NUDT3: variants seen among roughly 807,000 people sequenced by gnomAD.
NUDT3 encodes nudix hydrolase 3.
Under a neutral mutation model 23.6 loss-of-function variants are expected in NUDT3, and 9 were observed. The ratio of observed to expected loss-of-function variants is 0.38; its 90% CI spans 0.23 to 0.66. NUDT3 has a LOEUF of 0.66. Ranked by LOEUF, NUDT3 falls within the 30% of genes least tolerant of loss-of-function variation. NUDT3 has a pLI of 0.52. For missense variants in NUDT3, 172 were observed against 218.5 expected, an observed-to-expected ratio of 0.79 and a Z score of 1.34; for synonymous variants, 86 against 82.6, an observed-to-expected ratio of 1.04 and a Z score of -0.22.
At chr6:34,378,837 G>A (rs546195709) in intron 1 of NUDT3, among the ~76,000 whole-genome samples, 155 of 152,298 alleles carry the variant, frequency 1.0e-3, no homozygotes, top group African/African-American at 3.3e-3. Flanking sequence ...CTAATTTTAT[G>A]CCAGAAAAAT....
intron 2 of NUDT3, among the ~76,000 whole-genome samples, chr6:34,330,607 G>A (rs549107918): frequency 6.6e-6 from 1 of 152,114 alleles, no homozygotes; most frequent in African/African-American, 2.4e-5. Context: ...GACCAGCCTG[G>A]GCAACATGGT....
intron 4 of NUDT3, among the ~76,000 whole-genome samples, chr6:34,290,245 CTTT>C (rs765049070): frequency 6.9e-6 from 1 of 143,936 alleles, no homozygotes; most frequent in African/African-American, 2.5e-5. Context: ...TTCTTTCTCT[CTTT>C]TTTTTTTTTC....
At chr6:34,306,621 C>T (rs1297882439) in intron 2 of NUDT3, among the ~76,000 whole-genome samples, 5 of 152,236 alleles carry the variant, frequency 3.3e-5, no homozygotes, top group African/African-American at 1.2e-4. Flanking sequence ...GCGACTGGCT[C>T]CTGTCCCAGT....
At chr6:34,356,555 T>TA (rs1376108046) in intron 1 of NUDT3, among the ~76,000 whole-genome samples, 2 of 152,134 alleles carry the variant, frequency 1.3e-5, no homozygotes, top group African/African-American at 4.8e-5. Flanking sequence ...AATGGGCCAG[T>TA]AAGAATAACA....
At chr6:34,377,482 T>C (rs944936189) in intron 1 of NUDT3, among the ~76,000 whole-genome samples, 2 of 152,078 alleles carry the variant, frequency 1.3e-5, no homozygotes, top group African/African-American at 4.8e-5. Context: ...ATTTAAAACA[T>C]TAAAAATTCA....
intron 1 of NUDT3, among the ~76,000 whole-genome samples, chr6:34,365,669 ACAAGAGGCTGAGG>A (rs1764716170): frequency 6.6e-6 from 1 of 152,168 alleles, no homozygotes; most frequent in Admixed American, 6.5e-5. Context: ...TCCCAGCTAT[ACAAGAGGCTGAGG>A]CAAGAGGATC....
At chr6:34,343,260 A>G (rs556165464) in intron 1 of NUDT3, among the ~76,000 whole-genome samples, 51 of 152,106 alleles carry the variant, frequency 3.4e-4, no homozygotes, top group African/African-American at 1.2e-3. Flanking sequence ...GTTAAAAGAT[A>G]CTACAAGAGC....
At chr6:34,364,208 T>A (rs896269120) in intron 1 of NUDT3, among the ~76,000 whole-genome samples, 1 of 152,198 alleles carries the variant, frequency 6.6e-6, no homozygotes, top group Admixed American at 6.5e-5. Flanking sequence ...GTAACATGAT[T>A]GTAAAAAGTC....
chr6:34,364,916 G>A (rs565276910), intron 1 of NUDT3, among the ~76,000 whole-genome samples: 1 of 152,300 alleles, frequency 6.6e-6, no homozygotes, highest in Non-Finnish European at 1.5e-5. Flanking sequence ...AGCTACTCAG[G>A]AGGCTGAGGC....
intron 2 of NUDT3, 45 bp from the exon 3 acceptor site, chr6:34,295,730 G>C: frequency 6.2e-7 from 1 of 1,607,674 alleles, no homozygotes; most frequent in Non-Finnish European, 8.5e-7. Flanking sequence ...GTATTATATT[G>C]CTGGTCTCAT....
intron 2 of NUDT3, among the ~76,000 whole-genome samples, chr6:34,333,524 C>T (rs79428819): frequency 0.095 from 14,421 of 152,196 alleles, 787 homozygotes; most frequent in Non-Finnish European, 0.12. Context: ...TTAGGAGTGT[C>T]GGGGACGAAA....
rs188159050 is a variant in NUDT3 at position 34,356,991 on chromosome 6, A to G, written c.100-15019T>C. ...ACAGGGTTTCACCGTGTTAGCCAGG[A>G]TGGTCTCGATCTCCTGACCTCGTGA... On this transcript the variant is annotated intron_variant, in intron 1 of 4. Transcript: ENST00000607016. 3.6e-3 allele frequency among the ~76,000 whole-genome samples: 541 copies of G among 152,154 alleles called. 5 individuals carry two copies. Among genetic ancestry groups the G allele is most frequent in the Admixed American group, 7.7e-3 (117 of 15,274 alleles).
intron 1 of NUDT3, among the ~76,000 whole-genome samples, chr6:34,351,961 G>GT (rs1193063078): frequency 6.6e-6 from 1 of 151,792 alleles, no homozygotes; most frequent in Non-Finnish European, 1.5e-5. Context: ...GCTCACACCT[G>GT]TAATCCCAGC....
At chr6:34,291,656 C>T (rs1763424416) in intron 4 of NUDT3, among the ~76,000 whole-genome samples, 1 of 152,014 alleles carries the variant, frequency 6.6e-6, no homozygotes, top group African/African-American at 2.4e-5. Context: ...GTGTGTGCCA[C>T]CATGCCTGGC....
At chr6:34,323,526 C>G (rs895863132) in intron 2 of NUDT3, among the ~76,000 whole-genome samples, 1 of 151,826 alleles carries the variant, frequency 6.6e-6, no homozygotes, top group Non-Finnish European at 1.5e-5. Flanking sequence ...GAGATTGCAC[C>G]ACTGTACTCC....
chr6:34,352,554 C>T (rs1331436918), intron 1 of NUDT3, among the ~76,000 whole-genome samples: 1 of 152,168 alleles, frequency 6.6e-6, no homozygotes, highest in Non-Finnish European at 1.5e-5. Flanking sequence ...CTTAGAACTA[C>T]AGGAATACAC....
chr6:34,339,030 T>G (rs943026030), intron 2 of NUDT3, among the ~76,000 whole-genome samples: 2 of 151,910 alleles, frequency 1.3e-5, no homozygotes, highest in Admixed American at 1.3e-4. Context: ...GCCAAGGGAG[T>G]TGCTGTCTCT....
intron 2 of NUDT3, among the ~76,000 whole-genome samples, chr6:34,298,028 C>G (rs1763542107): frequency 6.6e-6 from 1 of 151,524 alleles, no homozygotes; most frequent in South Asian, 2.1e-4. Flanking sequence ...TTTTAGGGCA[C>G]AAATCAACTT....
chr6:34,360,932 T>C (rs375660537), intron 1 of NUDT3, among the ~76,000 whole-genome samples: 1 of 152,036 alleles, frequency 6.6e-6, no homozygotes, highest in African/African-American at 2.4e-5. Flanking sequence ...AAGAAATATA[T>C]ACATATGGGG....
Sources: gnomAD v4.1 joint callset for allele counts (sites outside exome capture counted in the v4.1 genomes callset) on GRCh38, gnomAD v4.1.1 for gene constraint, MANE v1.5 for transcripts, NCBI Gene and HGNC (gene_info 2026-07-23, HGNC 2026-07-21) for gene names.